Variants in CTNNA3 observed in about 807,000 individuals in gnomAD.
The protein encoded by CTNNA3 is catenin alpha 3.
In CTNNA3, 76 loss-of-function variants were observed where a neutral mutation model predicts 95.7. The ratio of observed to expected loss-of-function variants is 0.79; its 90% CI spans 0.66 to 0.96. The LOEUF (loss-of-function observed/expected upper bound fraction) is 0.96. Ranked by LOEUF, CTNNA3 falls within the 40% of genes least tolerant of loss-of-function variation. The pLI, the probability that CTNNA3 is intolerant of heterozygous loss-of-function variation, is 0.00. For missense variants in CTNNA3, 1,191 were observed against 1,089.8 expected, an observed-to-expected ratio of 1.09 and a Z score of -1.31; for synonymous variants, 431 against 374.4, an observed-to-expected ratio of 1.15 and a Z score of -1.74.
At chr10:67,640,442 T>C (rs979681171) in intron 2 of CTNNA3, among the ~76,000 whole-genome samples, 8 of 152,168 alleles carry the variant, frequency 5.3e-5, no homozygotes, top group Non-Finnish European at 1.2e-4. Flanking sequence ...AGGTAATTTA[T>C]ATATTCAATG....
intron 3 of CTNNA3, among the ~76,000 whole-genome samples, chr10:67,545,350 G>A (rs1840816680): frequency 1.3e-5 from 2 of 151,852 alleles, no homozygotes; most frequent in South Asian, 2.1e-4. Flanking sequence ...TCTCCTTTCC[G>A]GTATGTAAAA....
intron 7 of CTNNA3, chr10:67,097,490 A>T: frequency 9.7e-7 from 1 of 1,030,988 alleles, no homozygotes; most frequent in Non-Finnish European, 1.5e-6. Context: ...AGATATAACC[A>T]TGGAGGTTAG....
chr10:66,926,976 C>T (rs761574517), intron 7 of CTNNA3: 2 of 1,614,048 alleles, frequency 1.2e-6, no homozygotes, highest in South Asian at 2.2e-5. Flanking sequence ...TTATAGCCCC[C>T]ACTGTCTTAC....
intron 4 of CTNNA3, among the ~76,000 whole-genome samples, chr10:67,525,270 C>T (rs1746881262): frequency 6.6e-6 from 1 of 151,146 alleles, no homozygotes; most frequent in African/African-American, 2.4e-5. Flanking sequence ...TAGAGGAAAA[C>T]AATATCCCTA....
chr10:65,972,904 G>GGGAA (rs1554823442), intron 16 of CTNNA3, among the ~76,000 whole-genome samples: 1 of 140,142 alleles, frequency 7.1e-6, no homozygotes, highest in Non-Finnish European at 1.6e-5. Context: ...TCCTAAGGGG[G>GGGAA]AAAAAAAAAA....
chr10:67,233,126 T>C (rs1251788264), intron 5 of CTNNA3, among the ~76,000 whole-genome samples: 2 of 152,022 alleles, frequency 1.3e-5, no homozygotes, highest in Admixed American at 6.6e-5. Context: ...AACAAAGATA[T>C]CCAGGAATTG....
chr10:67,197,007 A>C (rs899948324), intron 6 of CTNNA3, among the ~76,000 whole-genome samples: 5 of 152,118 alleles, frequency 3.3e-5, no homozygotes, highest in African/African-American at 1.2e-4. Flanking sequence ...GTCTACATTG[A>C]ACTTAGAGAA....
chr10:67,103,331 C>G (rs1328956392), intron 7 of CTNNA3, among the ~76,000 whole-genome samples: 5 of 151,758 alleles, frequency 3.3e-5, no homozygotes, highest in Non-Finnish European at 7.4e-5. Context: ...ATAAAATGCT[C>G]AGGTTGCTTC....
At chr10:66,449,099 G>C (rs2093444826) in intron 11 of CTNNA3, among the ~76,000 whole-genome samples, 1 of 151,932 alleles carries the variant, frequency 6.6e-6, no homozygotes, top group Admixed American at 6.6e-5. Flanking sequence ...AAAAGCAAAT[G>C]TAAAAATCCT....
chr10:66,557,216 A>G (rs1157640304), intron 10 of CTNNA3, among the ~76,000 whole-genome samples: 1 of 152,136 alleles, frequency 6.6e-6, no homozygotes, highest in Non-Finnish European at 1.5e-5. Context: ...CACATATGCT[A>G]CAAAATGGGG....
At chr10:67,060,341 T>C (rs1855691474) in intron 7 of CTNNA3, among the ~76,000 whole-genome samples, 1 of 152,122 alleles carries the variant, frequency 6.6e-6, no homozygotes, top group Non-Finnish European at 1.5e-5. Flanking sequence ...AAAAATTCTG[T>C]AAATGTATAC....
In CTNNA3 at chr10:67,121,504, C is replaced by A. The variant is rs879428931; in HGVS notation, c.1047+58813G>T. ...TCCATAGACCATGTAATCTGAAACT[C>A]CTAGCCGTTAGATTCATTCCTCTAA... On this transcript the variant is annotated intron_variant, in intron 7 of 17. Transcript: ENST00000433211. Among the ~76,000 whole-genome samples the A allele has an allele frequency of 5.4e-4, 82 of 152,134 alleles. No homozygotes were observed. In the Middle Eastern group the frequency reaches 0.01, roughly 19 times the overall value.
chr10:66,546,152 A>C (rs1842029126), intron 10 of CTNNA3, among the ~76,000 whole-genome samples: 1 of 151,892 alleles, frequency 6.6e-6, no homozygotes, highest in African/African-American at 2.4e-5. Context: ...ATTTCCTATT[A>C]AAACTTTTTC....
intron 17 of CTNNA3, among the ~76,000 whole-genome samples, chr10:65,963,473 T>C (rs546015720): frequency 6.6e-6 from 1 of 152,268 alleles, no homozygotes; most frequent in African/African-American, 2.4e-5. Flanking sequence ...TTTGCGCCAC[T>C]TATGAAGCTT....
At chr10:66,314,773 C>T (rs980821678) in intron 12 of CTNNA3, among the ~76,000 whole-genome samples, 2 of 151,962 alleles carry the variant, frequency 1.3e-5, no homozygotes, top group Non-Finnish European at 2.9e-5. Context: ...AGATTGAACA[C>T]AATACTTATA....
chr10:66,832,485 G>T (rs1026854500), intron 7 of CTNNA3, among the ~76,000 whole-genome samples: 2 of 152,092 alleles, frequency 1.3e-5, no homozygotes, highest in Non-Finnish European at 2.9e-5. Flanking sequence ...TATTGTTTTT[G>T]AGGAGGCCAT....
intron 7 of CTNNA3, among the ~76,000 whole-genome samples, chr10:67,011,344 A>C (rs1423539812): frequency 6.6e-6 from 1 of 151,890 alleles, no homozygotes; most frequent in Non-Finnish European, 1.5e-5. Context: ...GTCTCAAAAA[A>C]AAAAAAAAAA....
intron 14 of CTNNA3, among the ~76,000 whole-genome samples, chr10:66,073,326 A>C (rs1393264922): frequency 6.6e-6 from 1 of 152,180 alleles, no homozygotes; most frequent in Non-Finnish European, 1.5e-5. Flanking sequence ...TAATTAGCCA[A>C]TATAGTTCTT....
intron 5 of CTNNA3, among the ~76,000 whole-genome samples, chr10:67,401,530 G>A (rs959868553): frequency 6.6e-6 from 1 of 152,126 alleles, no homozygotes. Flanking sequence ...AGGTACCTGG[G>A]GAAGGGGATT....
Sources: allele counts gnomAD v4.1 joint callset (sites outside exome capture counted in the v4.1 genomes callset), GRCh38; gene constraint gnomAD v4.1.1; transcripts MANE v1.5; gene names NCBI Gene and HGNC (gene_info 2026-07-23, HGNC 2026-07-21).